Variants in GIMAP8 observed in about 807,000 individuals in gnomAD.
GIMAP8 encodes the protein GTPase IMAP family member 8.
A neutral mutation model predicts 35.6 loss-of-function variants in GIMAP8; 29 were observed. The observed-to-expected ratio is 0.81, with a 90% confidence interval of 0.61 to 1.11. GIMAP8 has a LOEUF of 1.11. Among genes scored for constraint, GIMAP8 ranks in the 50% most tolerant of loss-of-function variants. GIMAP8 has a pLI of 0.00. For missense variants in GIMAP8, 811 were observed against 805.0 expected (o/e 1.01, Z -0.09); for synonymous variants, 335 against 308.7 (o/e 1.09, Z -0.89).
In GIMAP8 at chr7:150,451,561, G is replaced by A. The variant is rs939481378; in HGVS notation, c.-29+386G>A. The stretch of plus-strand genomic sequence containing the variant: ...AGAAGGCGTGTCGGGGAGTGGGTGT[G>A]AGCCCTGAAGAGGAGGAGGGCTGAG... On this transcript the variant is annotated intron_variant, in intron 1 of 4. Coordinates refer to ENST00000307271, the MANE Select transcript of GIMAP8 (RefSeq NM_175571.4). This position sits in a 1 kb window ranked among gnomAD's most constrained non-coding sequence, Gnocchi z 4.1. Among the ~76,000 whole-genome samples the A allele has an allele frequency of 5.3e-5, 8 of 152,152 alleles. No individual in the cohort carries two copies. Among genetic ancestry groups the A allele is most frequent in the Non-Finnish European group, 8.8e-5 (6 of 68,018 alleles).
intron 1 of GIMAP8, among the ~76,000 whole-genome samples, chr7:150,463,116 T>A (rs1801874664): frequency 6.6e-6 from 1 of 152,144 alleles, no homozygotes; most frequent in African/African-American, 2.4e-5. Flanking sequence ...ATCTAGTCTA[T>A]TTTTGAAGCT....
At position 150,478,061 on chromosome 7, in the gene GIMAP8, C is replaced by T; in HGVS notation, c.*281C>T. On this transcript the variant is annotated 3_prime_UTR_variant, in exon 5 of 5. Transcript: ENST00000307271. ...GATAATAAGTGGTAGAATCAAGTCA[C>T]AAGAATCACCTCACTTGTGTAGGTA... The T allele has an allele frequency of 2.2e-6, 1 of 451,804 alleles. No individual in the cohort carries two copies. The highest frequency in any genetic ancestry group is 3.9e-5 in the East Asian group (1 of 25,636). 28.0% of individuals were successfully genotyped at this position (451,804 alleles called of 1,614,324 possible).
intron 1 of GIMAP8, among the ~76,000 whole-genome samples, chr7:150,453,000 A>G (rs916299126): frequency 2.0e-5 from 3 of 151,936 alleles, no homozygotes; most frequent in Non-Finnish European, 4.4e-5. Flanking sequence ...GCCAGGCACA[A>G]TGTTAGGGCC....
Position 150,474,058 on chromosome 7 carries a change from G to C in GIMAP8, c.729G>C (p.Pro243=), listed in dbSNP as rs762955793. Residue 243 remains proline (P), a synonymous_variant, in exon 4 of 5, where the codon CCG becomes CCC. Coordinates refer to ENST00000307271, the MANE Select transcript of GIMAP8 (RefSeq NM_175571.4). ...AGTCCACAGGACCCGAGCAGAATCC[G>C]GGGACATCAGAACTGACAGTCCTCC... ...QLQSTGPEQN[P]GTSELTVLLV... 6.2e-7 allele frequency: 1 copy of C among 1,614,044 alleles called. No homozygotes were observed. Among genetic ancestry groups the C allele is most frequent in the Non-Finnish European group, 8.5e-7 (1 of 1,180,002 alleles).
chr7:150,477,435 C>T lies in GIMAP8; in HGVS notation c.1653C>T (p.Ile551=), dbSNP rs755341855. 2.6e-5 allele frequency: 42 copies of T among 1,613,646 alleles called. No individual in the cohort carries two copies. In the Admixed American group the frequency reaches 6.7e-4, roughly 26 times the overall value. ...DKTAVAKLEA[I]FGADFTKYAI... ...CAGCTGTGGCGAAACTGGAGGCCATCTTTGGAGCAGACTTTACGAAATACG... is the reference window on the plus strand; with the variant it reads ...CAGCTGTGGCGAAACTGGAGGCCATTTTTGGAGCAGACTTTACGAAATACG... The change falls in exon 5 of 5, where the codon ATC becomes ATT. Residue 551 remains isoleucine (I), a synonymous_variant. Transcript: ENST00000307271.
At chr7:150,452,886 C>A (rs1010273365) in intron 1 of GIMAP8, among the ~76,000 whole-genome samples, 2 of 150,768 alleles carry the variant, frequency 1.3e-5, no homozygotes, top group East Asian at 1.9e-4. Context: ...CTGCGCCCGG[C>A]CTCCCTCTCA....
In GIMAP8 at chr7:150,477,424, C is replaced by T. The variant is rs781280235; in HGVS notation, c.1642C>T (p.Leu548=). Residue 548 remains leucine, a synonymous_variant, in exon 5 of 5, where the codon CTG becomes TTG. Coordinates refer to ENST00000307271, the MANE Select transcript of GIMAP8 (RefSeq NM_175571.4). ...AGAGGACAAAACAGCTGTGGCGAAACTGGAGGCCATCTTTGGAGCAGACTT... is the reference window on the plus strand; with the variant it reads ...AGAGGACAAAACAGCTGTGGCGAAATTGGAGGCCATCTTTGGAGCAGACTT... ...TEEDKTAVAK[L]EAIFGADFTK... 7 of 1,613,878 alleles carry T rather than the reference C, an allele frequency of 4.3e-6. No individual in the cohort carries two copies. In the South Asian group the frequency reaches 7.7e-5, roughly 18 times the overall value.
At chr7:150,463,934 G>A (rs1026620945) in intron 1 of GIMAP8, among the ~76,000 whole-genome samples, 6 of 152,172 alleles carry the variant, frequency 3.9e-5, no homozygotes, top group Non-Finnish European at 8.8e-5. Context: ...GGCAGTGCCA[G>A]TAGCAGTGGT....
chr7:150,452,145 G>C (rs1475854783), intron 1 of GIMAP8, among the ~76,000 whole-genome samples: 1 of 152,186 alleles, frequency 6.6e-6, no homozygotes, highest in Non-Finnish European at 1.5e-5. Context: ...TGCTCTGCTG[G>C]GGTCTCCAGA....
chr7:150,477,306 C>T lies in GIMAP8; in HGVS notation c.1524C>T (p.Ser508=). ...NQMLDVEKDP[S]RLEEEVKRCL... ...TGCTGGATGTCGAAAAGGACCCATCCCGGTTAGAAGAGGAGGTCAAGCGCT... is the reference window on the plus strand; with the variant it reads ...TGCTGGATGTCGAAAAGGACCCATCTCGGTTAGAAGAGGAGGTCAAGCGCT... The change falls in exon 5 of 5, where the codon TCC becomes TCT. Residue 508 remains serine (S), a synonymous_variant. Transcript: ENST00000307271. 6.2e-7 allele frequency: 1 copy of T among 1,614,074 alleles called. No homozygotes were observed. The highest frequency in any genetic ancestry group is 8.5e-7 in the Non-Finnish European group (1 of 1,180,002).
chr7:150,458,148 G>C (rs888843378), intron 1 of GIMAP8, among the ~76,000 whole-genome samples: 2 of 152,188 alleles, frequency 1.3e-5, no homozygotes, highest in African/African-American at 4.8e-5. Context: ...TGTGGTGTGT[G>C]TGTGTGTGTG....
chr7:150,460,960 A>G (rs1801832364), intron 1 of GIMAP8, among the ~76,000 whole-genome samples: 1 of 152,242 alleles, frequency 6.6e-6, no homozygotes, highest in Non-Finnish European at 1.5e-5. Flanking sequence ...TGTTTCTCAA[A>G]AGGTGACTAG....
intron 1 of GIMAP8, 69 bp from the exon 2 acceptor site, chr7:150,466,602 T>C: frequency 7.3e-7 from 1 of 1,369,806 alleles, no homozygotes; most frequent in Non-Finnish European, 9.9e-7. Context: ...GAGAATGTCT[T>C]TTCTTGCTGT....
intron 1 of GIMAP8, among the ~76,000 whole-genome samples, chr7:150,453,433 G>A (rs1426886652): frequency 2.0e-5 from 3 of 152,184 alleles, no homozygotes; most frequent in South Asian, 2.1e-4. Flanking sequence ...CGCCCTTTTC[G>A]AAAGTGGGCC....
chr7:150,461,886 C>A (rs908551665), intron 1 of GIMAP8, among the ~76,000 whole-genome samples: 2 of 152,098 alleles, frequency 1.3e-5, no homozygotes, highest in South Asian at 2.1e-4. Flanking sequence ...GTAGAGAGTC[C>A]ACCAACAGGC....
rs370461560 is a variant in GIMAP8, at chr7:150,452,269, A to G, written c.-29+1094A>G. On this transcript the variant is annotated intron_variant, in intron 1 of 4. Transcript: ENST00000307271. ...TTTCTACATGTTGGGGTGAAGTGCT[A>G]CTGGCTGGGAAGCTGTATGTGTGGT... 2.2e-4 allele frequency among the ~76,000 whole-genome samples: 34 copies of G among 152,060 alleles called. No homozygotes were observed. The East Asian group carries it at 4.3e-3, about 19-fold the overall frequency.
chr7:150,452,718 G>T lies in GIMAP8; in HGVS notation c.-29+1543G>T, dbSNP rs1801645187. Among the ~76,000 whole-genome samples the T allele has an allele frequency of 3.6e-5, 2 of 55,846 alleles. 1 individual carries two copies. Among genetic ancestry groups the T allele is most frequent in the South Asian group, 1.5e-3 (2 of 1,322 alleles). 36.6% of individuals were successfully genotyped at this position (55,846 alleles called of 152,430 possible). On this transcript the variant is annotated intron_variant, in intron 1 of 4. Coordinates refer to ENST00000307271, the MANE Select transcript of GIMAP8 (RefSeq NM_175571.4). ...TATATATATATATATATACATGCGA[G>T]TGGAACTACAGGCACCCACCACCAT... is the stretch of plus-strand genomic sequence containing the variant.
chr7:150,465,443 GT>G (rs1429656466), intron 1 of GIMAP8, among the ~76,000 whole-genome samples: 5 of 152,274 alleles, frequency 3.3e-5, no homozygotes, highest in Non-Finnish European at 5.9e-5. Context: ...GTAGAGGGGA[GT>G]TTTTTTCCTC....
rs1490339746 is a variant in GIMAP8 at position 150,474,520 on chromosome 7, T to G, written c.1191T>G (p.Ser397Arg). Residue 397 changes from serine to arginine, a missense_variant, in exon 4 of 5, where the codon AGT becomes AGG. Transcript: ENST00000307271. The stretch of plus-strand genomic sequence containing the variant: ...TCCAGAAGTGTAAAAACAGATATAG[T>G]GCCTTCAACTACCGGGCAACAGGAG... ...GLIQKCKNRY[S>R]AFNYRATGEE... The G allele has an allele frequency of 1.3e-6, 2 of 1,577,646 alleles. No homozygotes were observed. The highest frequency in any genetic ancestry group is 1.7e-6 in the Non-Finnish European group (2 of 1,147,550).
Sources: allele counts gnomAD v4.1 joint callset (sites outside exome capture counted in the v4.1 genomes callset), GRCh38; gene constraint gnomAD v4.1.1; non-coding constraint Gnocchi (gnomAD v3.1); transcripts MANE v1.5; gene names NCBI Gene and HGNC (gene_info 2026-07-23, HGNC 2026-07-21).